DPF2: variants seen among roughly 807,000 people sequenced by gnomAD.
DPF2 encodes the protein double PHD fingers 2.
Under a neutral mutation model 59.6 loss-of-function variants are expected in DPF2, and 10 were observed. The observed-to-expected ratio is 0.17, with a 90% CI of 0.10 to 0.28. The LOEUF (loss-of-function observed/expected upper bound fraction) is 0.28, where lower values mean the gene tolerates loss of function less well. Among genes scored for constraint, DPF2 ranks in the 10% least tolerant of loss-of-function variants. The pLI is 1.00. For synonymous variants in DPF2, 189 were observed against 190.6 expected (o/e 0.99, Z 0.07); for missense variants, 315 against 509.4 (o/e 0.62, Z 3.67).
intron 1 of DPF2, among the ~76,000 whole-genome samples, chr11:65,335,965 C>T (rs988376422): frequency 6.6e-6 from 1 of 151,912 alleles, no homozygotes; most frequent in Non-Finnish European, 1.5e-5. Flanking sequence ...AGGTGCCCAC[C>T]ACCACACCTG....
chr11:65,337,504 T>TATATAGAGAG (rs1282367012), intron 1 of DPF2, among the ~76,000 whole-genome samples: 17 of 21,394 alleles, frequency 7.9e-4, no homozygotes, highest in Non-Finnish European at 1.1e-3. Flanking sequence ...TATATATATA[T>TATATAGAGAG]AGAGAGAGAG....
rs1854765151 is a variant in DPF2, at chr11:65,352,930, CT to C, written c.*1174del. 2 of 151,826 alleles carry C rather than the reference CT, an allele frequency of 1.3e-5. No homozygotes were observed. The highest frequency in any genetic ancestry group is 1.3e-4 in the Admixed American group (2 of 15,246). The allele number at this position is 151,826 out of a possible 1,614,324, so 9.4% of individuals were successfully genotyped here. A position where few individuals can be genotyped will look rare whatever the true frequency, so the allele number is the denominator to read the frequency against. On this transcript the variant is annotated 3_prime_UTR_variant, in exon 11 of 11. Coordinates refer to ENST00000528416, the MANE Select transcript of DPF2 (RefSeq NM_006268.5). ...GTTGAGGTGTCTTTTTTTTTTCTTT[CT>C]TTAGTTCCTGTATTCTAAACATTAG...
chr11:65,339,327 A>T (rs542612213), intron 1 of DPF2, among the ~76,000 whole-genome samples: 1 of 152,138 alleles, frequency 6.6e-6, no homozygotes, highest in South Asian at 2.1e-4. Context: ...ACCCTGCAAG[A>T]TGAGAACAAG....
intron 4 of DPF2, among the ~76,000 whole-genome samples, chr11:65,342,179 T>TCCACATTTTG (rs1854394142): frequency 6.6e-6 from 1 of 152,132 alleles, no homozygotes; most frequent in Non-Finnish European, 1.5e-5. Flanking sequence ...ATTTATCAAT[T>TCCACATTTTG]CCACATTTTG....
chr11:65,351,839 C>T lies in DPF2; in HGVS notation c.*80C>T, dbSNP rs1382964618. On this transcript the variant is annotated 3_prime_UTR_variant, in exon 11 of 11. Transcript: ENST00000528416. ...CATATTTCATACCCATCTTTCCCTT[C>T]TTCCTCCTCTCCTTCACAAATCCAG... is the stretch of plus-strand genomic sequence containing the variant. The T allele has an allele frequency of 4.8e-6, 7 of 1,465,972 alleles. No individual in the cohort carries two copies. The highest frequency in any genetic ancestry group is 6.6e-6 in the Non-Finnish European group (7 of 1,053,484). The allele number at this position is 1,465,972 out of a possible 1,614,324, so 90.8% of individuals were successfully genotyped here.
intron 3 of DPF2, 23 bp from the exon 4 acceptor site, chr11:65,341,376 C>T (rs1241185150): frequency 6.2e-7 from 1 of 1,613,996 alleles, no homozygotes; most frequent in Admixed American, 1.7e-5. Context: ...TTGAGCCTTG[C>T]TTTATCCTGA....
intron 1 of DPF2, among the ~76,000 whole-genome samples, chr11:65,337,915 C>T (rs1854254880): frequency 2.0e-5 from 3 of 152,104 alleles, no homozygotes; most frequent in South Asian, 4.1e-4. Context: ...AGCAATTCTT[C>T]TGCCTCAGCC....
At position 65,341,265 on chromosome 11, in the gene DPF2, G is replaced by A. The variant is rs1854362524; in HGVS notation, c.302-134G>A. Reference sequence around the variant, plus strand: ...ATAAGTTATGGTGCCAAGTGAACTAGGGTGTCTTAATTCCTGGGCGTGCAG... The same window carrying A: ...ATAAGTTATGGTGCCAAGTGAACTAAGGTGTCTTAATTCCTGGGCGTGCAG... On this transcript the variant is annotated intron_variant, in intron 3 of 10. Coordinates refer to ENST00000528416, the MANE Select transcript of DPF2 (RefSeq NM_006268.5). 8.1e-6 allele frequency: 11 copies of A among 1,358,802 alleles called. No individual in the cohort carries two copies. In the South Asian group the frequency reaches 1.4e-4, roughly 17 times the overall value. 84.2% of individuals were successfully genotyped at this position (1,358,802 alleles called of 1,614,324 possible). A position where few individuals can be genotyped will look rare whatever the true frequency, so the allele number is the denominator to read the frequency against.
chr11:65,340,819 C>G, intron 2 of DPF2, 147 bp from the exon 3 acceptor site: 1 of 864,038 alleles, frequency 1.2e-6, no homozygotes, highest in African/African-American at 1.7e-5. Context: ...TTTCCACAGA[C>G]TATTCCACCT....
In DPF2 at chr11:65,351,832, T is replaced by C; in HGVS notation, c.*73T>C. 6.7e-7 allele frequency: 1 copy of C among 1,490,688 alleles called. No individual in the cohort carries two copies. Among genetic ancestry groups the C allele is most frequent in the Non-Finnish European group, 9.3e-7 (1 of 1,073,036 alleles). 92.3% of individuals were successfully genotyped at this position (1,490,688 alleles called of 1,614,324 possible). ...TCCACTTCATATTTCATACCCATCTTTCCCTTCTTCCTCCTCTCCTTCACA... is the reference window on the plus strand; with the variant it reads ...TCCACTTCATATTTCATACCCATCTCTCCCTTCTTCCTCCTCTCCTTCACA... On this transcript the variant is annotated 3_prime_UTR_variant, in exon 11 of 11. Transcript: ENST00000528416.
intron 1 of DPF2, among the ~76,000 whole-genome samples, chr11:65,336,861 C>T (rs1433749210): frequency 2.7e-5 from 4 of 149,064 alleles, no homozygotes; most frequent in African/African-American, 5.0e-5. Flanking sequence ...GAGGCTGAGG[C>T]GGGCGGATCA....
At chr11:65,337,494 TATATATATATAGAGAGAG>T (rs1325680398) in intron 1 of DPF2, among the ~76,000 whole-genome samples, 106 of 62,578 alleles carry the variant, frequency 1.7e-3, no homozygotes, top group East Asian at 7.5e-3. Context: ...TATATATATA[TATATATATATAGAGAGAG>T]AGAGAGAGAG....
chr11:65,342,943 G>A (rs1018297993), intron 4 of DPF2, among the ~76,000 whole-genome samples: 11 of 147,742 alleles, frequency 7.4e-5, no homozygotes, highest in African/African-American at 2.5e-4. Flanking sequence ...GCAGTGAGCC[G>A]AGATTGCGCC....
At position 65,345,778 on chromosome 11, in the gene DPF2, T is replaced by C. The variant is rs756980534; in HGVS notation, c.750T>C (p.Val250=). 9.3e-6 allele frequency: 15 copies of C among 1,613,950 alleles called. No homozygotes were observed. Among genetic ancestry groups the C allele is most frequent in the Non-Finnish European group, 1.3e-5 (15 of 1,180,018 alleles). ...AAGACTCTCAACCACCCACTCCTGT[T>C]TCCCAGAGGTCTGAGGAGCAGAAAT... is the stretch of plus-strand genomic sequence containing the variant. ...DKEDSQPPTP[V]SQRSEEQKSK... Residue 250 remains valine (V), a synonymous_variant, in exon 7 of 11, where the codon GTT becomes GTC. Coordinates refer to ENST00000528416, the MANE Select transcript of DPF2 (RefSeq NM_006268.5).
intron 4 of DPF2, among the ~76,000 whole-genome samples, chr11:65,343,126 C>G (rs977809850): frequency 1.3e-5 from 2 of 152,022 alleles, no homozygotes; most frequent in Middle Eastern, 3.4e-3. Context: ...ATGAAGAAAC[C>G]CCGTCTCTAC....
At chr11:65,337,487 A>ATG (rs1854211203) in intron 1 of DPF2, among the ~76,000 whole-genome samples, 1 of 61,746 alleles carries the variant, frequency 1.6e-5, no homozygotes, top group Non-Finnish European at 3.1e-5. Context: ...ATATATATAT[A>ATG]TATATATATA....
chr11:65,350,745 A>G (rs1176278118), intron 10 of DPF2, among the ~76,000 whole-genome samples: 1 of 150,830 alleles, frequency 6.6e-6, no homozygotes, highest in Non-Finnish European at 1.5e-5. Flanking sequence ...CTGTAATCCC[A>G]GCACTTTGGG....
intron 10 of DPF2, among the ~76,000 whole-genome samples, chr11:65,349,913 T>G (rs1407557054): frequency 6.6e-6 from 1 of 152,142 alleles, no homozygotes; most frequent in Non-Finnish European, 1.5e-5. Flanking sequence ...AGAAAGTGTT[T>G]CATTGTGTGA....
chr11:65,341,743 T>A, intron 4 of DPF2, 181 bp downstream of exon 4: 1 of 725,736 alleles, frequency 1.4e-6, no homozygotes, highest in Non-Finnish European at 2.2e-6. Context: ...CTGTTGCTTC[T>A]AACTATAGAC....
Sources: allele counts gnomAD v4.1 joint callset (sites outside exome capture counted in the v4.1 genomes callset), GRCh38; gene constraint gnomAD v4.1.1; transcripts MANE v1.5; gene names NCBI Gene and HGNC (gene_info 2026-07-23, HGNC 2026-07-21).